Variants in LHB observed in about 807,000 individuals in gnomAD.
The protein encoded by LHB is lutropin subunit beta.
Under a neutral mutation model 10.6 loss-of-function variants are expected in LHB, and 11 were observed. The observed-to-expected ratio is 1.04, with a 90% CI of 0.66 to 1.72. The LOEUF is 1.72. LHB is among the 40% of genes most tolerant of loss of function. LHB has a pLI of 0.00. For missense variants in LHB, 184 were observed against 197.3 expected, an observed-to-expected ratio of 0.93 and a Z score of 0.41; for synonymous variants, 86 against 83.1, an observed-to-expected ratio of 1.03 and a Z score of -0.19.
upstream of LHB, chr19:49,017,839 C>A: frequency 2.5e-6 from 1 of 398,514 alleles, no homozygotes; most frequent in Non-Finnish European, 4.4e-6. Flanking sequence ...CCCGCCCCCA[C>A]GTTGCCAATA....
chr19:49,019,295 G>T (rs2039600332), upstream of LHB: 1 of 1,086,686 alleles, frequency 9.2e-7, no homozygotes, highest in Non-Finnish European at 1.2e-6. Flanking sequence ...CCCTGGTTCC[G>T]CTCTGTCTTA....
upstream of LHB, chr19:49,019,120 C>T: frequency 1.4e-6 from 2 of 1,430,808 alleles, no homozygotes; most frequent in South Asian, 1.5e-5. Flanking sequence ...CGGCCACGGC[C>T]CTCACACCCC....
upstream of LHB, chr19:49,019,106 A>G: frequency 9.7e-6 from 14 of 1,437,466 alleles, no homozygotes; most frequent in Non-Finnish European, 1.3e-5. Flanking sequence ...CTCGACAGCC[A>G]TGACGGCCAC....
chr19:49,017,857 T>C (rs1035446679), upstream of LHB: 8 of 398,336 alleles, frequency 2.0e-5, no homozygotes, highest in Non-Finnish European at 2.6e-5. Flanking sequence ...ATAGACGTAA[T>C]GAGTGCGACT....
At chr19:49,019,351 C>G, upstream of LHB, 1 of 1,201,648 alleles carries the variant, frequency 8.3e-7, no homozygotes, top group South Asian at 3.6e-5. Flanking sequence ...TCTTGGGCAG[C>G]AACTCCAAGT....
At chr19:49,017,398 TG>T, upstream of LHB, 1 of 1,110,814 alleles carries the variant, frequency 9.0e-7, no homozygotes, top group Non-Finnish European at 1.2e-6. Flanking sequence ...CTGCCAATTG[TG>T]GGGTCTTGGG....
At chr19:49,017,543 G>A (rs1022271672), upstream of LHB, 2 of 1,110,418 alleles carry the variant, frequency 1.8e-6, no homozygotes, top group African/African-American at 3.2e-5. Context: ...CAGTGAGAGA[G>A]GGTCTCCCCG....
chr19:49,018,925 G>C, upstream of LHB: 5 of 1,534,448 alleles, frequency 3.3e-6, no homozygotes, highest in Non-Finnish European at 3.5e-6. Flanking sequence ...AGCTGGCGGC[G>C]GTCCAGGACG....
upstream of LHB, chr19:49,017,552 C>A: frequency 2.7e-6 from 3 of 1,100,758 alleles, no homozygotes; most frequent in Non-Finnish European, 3.3e-6. Flanking sequence ...AGGGTCTCCC[C>A]GTGACTGTGC....
chr19:49,018,808 C>T, upstream of LHB: 2 of 1,376,146 alleles, frequency 1.5e-6, no homozygotes, highest in Non-Finnish European at 2.0e-6. Context: ...AGCCCAGGGG[C>T]TCGGCGTGCA....
At chr19:49,017,201 A>G, upstream of LHB, 5 of 1,522,010 alleles carry the variant, frequency 3.3e-6, no homozygotes, top group Non-Finnish European at 4.6e-6. Flanking sequence ...CCCGGGGGCG[A>G]GAGGTGCACA....
chr19:49,017,512 G>A, upstream of LHB: 9 of 1,130,306 alleles, frequency 8.0e-6, no homozygotes, highest in Non-Finnish European at 7.6e-6. Context: ...GAGGGGCGCT[G>A]CTTCGGACTT....
chr19:49,016,348 G>A, intron 2 of LHB, 38 bp from the exon 3 acceptor site: 1 of 1,606,878 alleles, frequency 6.2e-7, no homozygotes, highest in Non-Finnish European at 8.5e-7. Flanking sequence ...GCATGTGCCT[G>A]AGGCCAGCGC....
At chr19:49,017,452 G>C, upstream of LHB, 2 of 1,141,850 alleles carry the variant, frequency 1.8e-6, no homozygotes, top group Non-Finnish European at 2.2e-6. Flanking sequence ...CTGGACTGAA[G>C]CCTCAACCCT....
upstream of LHB, chr19:49,017,142 A>G: frequency 6.2e-7 from 1 of 1,612,104 alleles, no homozygotes; most frequent in South Asian, 1.1e-5. Context: ...GGGGGCGGCA[A>G]GGCCACCAGG....
At chr19:49,017,907 C>G (rs570669054), upstream of LHB, 192 of 398,292 alleles carry the variant, frequency 4.8e-4, no homozygotes, top group Admixed American at 7.5e-4. Context: ...GCGGAGGTCC[C>G]GAGCTCCGCT....
chr19:49,017,652 C>T (rs1429278731), upstream of LHB: 2 of 883,678 alleles, frequency 2.3e-6, no homozygotes, highest in Non-Finnish European at 2.9e-6. Flanking sequence ...CCACCCTACC[C>T]TCAAGCCAGG....
chr19:49,016,767 G>C (rs1342675495), intron 1 of LHB, 53 bp from the exon 2 acceptor site: 1 of 1,605,226 alleles, frequency 6.2e-7, no homozygotes. Context: ...CCCGAGTCCT[G>C]GCCTTCCCAT....
At chr19:49,016,509 G>C in intron 2 of LHB, 38 bp downstream of exon 2, 1 of 1,581,140 alleles carries the variant, frequency 6.3e-7, no homozygotes. Context: ...GTCTGGCCCT[G>C]AGGTGGCAGC....
Sources: gnomAD v4.1 joint callset for allele counts on GRCh38, gnomAD v4.1.1 for gene constraint, MANE v1.5 for transcripts, NCBI Gene and HGNC (gene_info 2026-07-23, HGNC 2026-07-21) for gene names.